CEP164: variants seen among roughly 807,000 people sequenced by gnomAD.
CEP164 encodes centrosomal protein of 164 kDa.
Under a neutral mutation model 182.7 loss-of-function variants are expected in CEP164, and 162 were observed. The ratio of observed to expected loss-of-function variants is 0.89; its 90% CI spans 0.78 to 1.01. The LOEUF (loss-of-function observed/expected upper bound fraction) is 1.01, where lower values mean the gene tolerates loss of function less well. Among genes scored for constraint, CEP164 ranks in the 50% least tolerant of loss-of-function variants. The pLI, the probability that CEP164 is intolerant of heterozygous loss-of-function variation, is 0.00. For synonymous variants in CEP164, 661 were observed against 690.0 expected (o/e 0.96, Z 0.66); for missense variants, 1,735 against 1,790.4 (o/e 0.97, Z 0.56).
At chr11:117,390,636 C>CAAAAAG in intron 15 of CEP164, 141 bp from the exon 16 acceptor site, 1 of 1,158,268 alleles carries the variant, frequency 8.6e-7, no homozygotes, top group South Asian at 1.5e-5. Context: ...AACCTGTCTC[C>CAAAAAG]AAAAAGAAAA....
chr11:117,382,683 G>A, intron 13 of CEP164, 113 bp from the exon 14 acceptor site: 3 of 1,285,436 alleles, frequency 2.3e-6, no homozygotes, highest in South Asian at 1.4e-5. Context: ...TAGGGAAATT[G>A]TTGGGCTGTC....
intron 5 of CEP164, among the ~76,000 whole-genome samples, chr11:117,358,172 C>A (rs1168197953): frequency 5.3e-5 from 8 of 152,152 alleles, no homozygotes; most frequent in Admixed American, 5.2e-4. Flanking sequence ...TTTTAATTAG[C>A]CCAGTGGCAG....
At chr11:117,336,758 G>C in intron 2 of CEP164, 1 of 620,070 alleles carries the variant, frequency 1.6e-6, no homozygotes, top group Non-Finnish European at 2.9e-6. Flanking sequence ...GCTCCAGGAG[G>C]AACAGTGGCA....
intron 1 of CEP164, among the ~76,000 whole-genome samples, chr11:117,329,320 G>A (rs1046555029): frequency 6.6e-6 from 1 of 152,090 alleles, no homozygotes. Flanking sequence ...GAAATCCTGT[G>A]ATGGCCCCTC....
intron 8 of CEP164, among the ~76,000 whole-genome samples, chr11:117,369,583 G>T (rs529521556): frequency 6.6e-6 from 1 of 152,246 alleles, no homozygotes; most frequent in East Asian, 1.9e-4. Context: ...CCATGCTTAG[G>T]GCTTCTTCTT....
intron 5 of CEP164, chr11:117,355,299 C>G (rs569445542): frequency 2.3e-6 from 3 of 1,289,706 alleles, no homozygotes; most frequent in African/African-American, 3.0e-5. Context: ...TTTTCAGATC[C>G]TGAAACAGAA....
At chr11:117,383,240 C>A (rs2043543545) in intron 14 of CEP164, among the ~76,000 whole-genome samples, 1 of 152,172 alleles carries the variant, frequency 6.6e-6, no homozygotes, top group African/African-American at 2.4e-5. Context: ...ATCATGTTTC[C>A]TGTCTACCAA....
At chr11:117,407,479 A>AAGAG (rs1565629536) in intron 27 of CEP164, among the ~76,000 whole-genome samples, 2 of 148,590 alleles carry the variant, frequency 1.3e-5, no homozygotes, top group African/African-American at 4.9e-5. Context: ...AAAAAAAAAA[A>AAGAG]AGAGAAAAAG....
intron 9 of CEP164, 81 bp from the exon 10 acceptor site, chr11:117,373,670 C>A: frequency 7.9e-7 from 1 of 1,260,648 alleles, no homozygotes. Flanking sequence ...GGCCCCATGG[C>A]CTGAACAGAA....
At chr11:117,336,270 G>T (rs1193964165) in intron 2 of CEP164, 32 of 1,568,998 alleles carry the variant, frequency 2.0e-5, no homozygotes, top group Non-Finnish European at 2.6e-5. Context: ...TTTGGTGCTT[G>T]TGCATCTTTT....
intron 28 of CEP164, chr11:117,408,389 T>C: frequency 4.3e-6 from 1 of 231,688 alleles, no homozygotes; most frequent in South Asian, 7.5e-5. Context: ...CCTTGGGACC[T>C]TGTGGACTTT....
chr11:117,361,843 T>A lies in CEP164; in HGVS notation c.402T>A (p.Gly134=). 1.2e-6 allele frequency: 2 copies of A among 1,614,198 alleles called. No homozygotes were observed. Among genetic ancestry groups the A allele is most frequent in the Non-Finnish European group, 1.7e-6 (2 of 1,180,024 alleles). ...RDPPKSSLAL[G]SSLAPVHVPL... Reference sequence around the variant, plus strand: ...TGTTTTCTGTTGCACAGGCCTTGGGTTCCTCATTAGCCCCAGTTCATGTTC... The same window carrying A: ...TGTTTTCTGTTGCACAGGCCTTGGGATCCTCATTAGCCCCAGTTCATGTTC... The change falls in exon 6 of 33, where the codon GGT becomes GGA. Residue 134 remains glycine (G), a synonymous_variant. Transcript: ENST00000278935.
chr11:117,411,613 G>A lies in CEP164; in HGVS notation c.4164-182G>A, dbSNP rs922678721. On this transcript the variant is annotated intron_variant, in intron 31 of 32. Transcript: ENST00000278935. This position sits in a 1 kb window ranked among gnomAD's most constrained non-coding sequence, Gnocchi z 4.4. ...GGCAGAGGGCCTCCACCACTTTCCC[G>A]TTTGGGAACTGTTCTGGAGGGGCAG... 1.4e-4 allele frequency: 106 copies of A among 773,622 alleles called. No homozygotes were observed. The highest frequency in any genetic ancestry group is 1.8e-4 in the Non-Finnish European group (92 of 506,972). 47.9% of individuals were successfully genotyped at this position (773,622 alleles called of 1,614,324 possible).
rs560014300 is a variant in CEP164 at position 117,387,398 on chromosome 11, A to C, written c.1920A>C (p.Lys640Asn). Residue 640 changes from lysine to asparagine, a missense_variant, in exon 15 of 33, where the codon AAA becomes AAC. Physicochemically the swap from Lys to Asn is moderately conservative, Grantham distance 94. Transcript: ENST00000278935. ...AGATCCTCCGGCTTCACCAGCAGAA[A>C]GAGCAATCTCTCAGGTCCTGCCCTT... ...EEEILRLHQQ[K>N]EQSLSSLRER... The C allele has an allele frequency of 6.2e-7, 1 of 1,614,146 alleles. No homozygotes were observed. The highest frequency in any genetic ancestry group is 2.2e-5 in the East Asian group (1 of 44,888).
chr11:117,395,410 C>T, intron 23 of CEP164, 137 bp from the exon 24 acceptor site: 6 of 1,075,184 alleles, frequency 5.6e-6, no homozygotes, highest in Non-Finnish European at 8.0e-6. Context: ...CTCTTGACCT[C>T]AGAGGTGGTG....
intron 13 of CEP164, 116 bp downstream of exon 13, chr11:117,381,984 T>G (rs1434294903): frequency 2.0e-3 from 661 of 332,252 alleles, no homozygotes; most frequent in East Asian, 3.9e-3. Context: ...GGGGAGGGAG[T>G]GGGGAGCTGG....
chr11:117,372,478 TGCGA>T (rs2042315976), intron 9 of CEP164, among the ~76,000 whole-genome samples: 1 of 151,270 alleles, frequency 6.6e-6, no homozygotes, highest in African/African-American at 2.4e-5. Context: ...AGTGCAGTGG[TGCGA>T]TCAGCTCACC....
chr11:117,356,666 G>A (rs2040330539), intron 5 of CEP164: 2 of 1,222,598 alleles, frequency 1.6e-6, no homozygotes, highest in Non-Finnish European at 2.1e-6. Context: ...TGGCAGGGAG[G>A]GAGCAGGTGG....
Position 117,396,690 on chromosome 11 carries a change from G to A in CEP164, c.3278+79G>A, listed in dbSNP as rs2045515656. ...TGAGTACCTGCATCATAGAGCTGGG[G>A]TGAGCTGAAGTGAGGAGACGGTGAT... On this transcript the variant is annotated intron_variant, in intron 26 of 32. Transcript: ENST00000278935. The A allele has an allele frequency of 2.7e-6, 3 of 1,097,532 alleles. No individual in the cohort carries two copies. The Admixed American group carries it at 5.1e-5, about 19-fold the overall frequency. The allele number at this position is 1,097,532 out of a possible 1,614,324, so 68.0% of individuals were successfully genotyped here.
Sources: gnomAD v4.1 joint callset for allele counts (sites outside exome capture counted in the v4.1 genomes callset) on GRCh38, gnomAD v4.1.1 for gene constraint, Gnocchi (gnomAD v3.1) non-coding constraint, MANE v1.5 for transcripts, NCBI Gene and HGNC (gene_info 2026-07-23, HGNC 2026-07-21) for gene names.